The following ZNF48 variants were observed in gnomAD, a reference collection of about 807,000 sequenced individuals.
ZNF48 encodes zinc finger protein 48.
ZNF48 carries 20 observed loss-of-function variants against 40.0 expected under a neutral mutation model. That is an observed-to-expected ratio of 0.50 (90% CI 0.35 to 0.73). The LOEUF (loss-of-function observed/expected upper bound fraction) is 0.73. Among genes scored for constraint, ZNF48 ranks in the 30% least tolerant of loss-of-function variants. The pLI is 0.01. For synonymous variants in ZNF48, 298 were observed against 329.7 expected (o/e 0.90, Z 1.04); for missense variants, 726 against 851.9 (o/e 0.85, Z 1.84).
At chr16:30,392,676 G>C (rs1218488161), upstream of ZNF48, among the ~76,000 whole-genome samples, 2 of 152,192 alleles carry the variant, frequency 1.3e-5, no homozygotes, top group Non-Finnish European at 1.5e-5. Context: ...AGAAGCTTAA[G>C]TAACTTCCCT....
rs2049977391 is a variant in ZNF48, at chr16:30,395,732, CCA to C, written c.-15-43_-15-42del. The C allele has an allele frequency of 1.5e-6, 2 of 1,342,740 alleles. No homozygotes were observed. The highest frequency in any genetic ancestry group is 6.1e-5 in the East Asian group (2 of 32,574). 83.2% of individuals were successfully genotyped at this position (1,342,740 alleles called of 1,614,324 possible). A position where few individuals can be genotyped will look rare whatever the true frequency, so the allele number is the denominator to read the frequency against. ...GAGGGCAGCGGCAGGGCGCCGCGGG[CCA>C]CACATGGCTGCGTGACCGCGGGATG... On this transcript the variant is annotated intron_variant, in intron 1 of 2. Coordinates refer to ENST00000613509, the MANE Select transcript of ZNF48 (RefSeq NM_001214909.2). This position sits in a 1 kb window ranked among gnomAD's most constrained non-coding sequence, Gnocchi z 5.9.
At chr16:30,383,234 G>A (rs1238474018) in intron 1 of ZNF48, among the ~76,000 whole-genome samples, 1 of 152,116 alleles carries the variant, frequency 6.6e-6, no homozygotes, top group African/African-American at 2.4e-5. Flanking sequence ...TGTTGCCCAG[G>A]CTGGAGTGTA....
In ZNF48 at chr16:30,397,579, G is replaced by C. The variant is rs746440840; in HGVS notation, c.329G>C (p.Arg110Pro). 6.2e-7 allele frequency: 1 copy of C among 1,614,062 alleles called. No homozygotes were observed. The highest frequency in any genetic ancestry group is 8.5e-7 in the Non-Finnish European group (1 of 1,180,024). ...CGCTGGGGCCAGGCTAGTAGTGATC[G>C]GGCCGCTGTGTGTGGTGAGTGTGGC... ...EPRWGQASSDRAAVCGECGKS... is the reference protein window; with the variant it reads ...EPRWGQASSDPAAVCGECGKS... The change falls in exon 3 of 3, where the codon CGG (arginine) becomes CCG (proline). Residue 110 changes from arginine (R) to proline (P), a missense_variant. Arg to Pro is a moderately radical substitution (Grantham distance 103). Around this residue, in one of 5 missense-constraint regions of ZNF48, gnomAD observed 151 missense variants for 162.3 expected, o/e 0.93. Transcript: ENST00000613509. The surrounding 1 kb of genome is among the most constrained non-coding windows in gnomAD (Gnocchi z 4.1).
Position 30,397,713 on chromosome 16 carries a change from C to T in ZNF48, c.463C>T (p.Arg155Trp), listed in dbSNP as rs1450199020. Residue 155 changes from arginine to tryptophan, a missense_variant, in exon 3 of 3, where the codon CGG (arginine) becomes TGG (tryptophan). By Grantham distance (101) the Arg-to-Trp change is moderately radical. Coordinates refer to ENST00000613509, the MANE Select transcript of ZNF48 (RefSeq NM_001214909.2). The surrounding 1 kb of genome is among the most constrained non-coding windows in gnomAD (Gnocchi z 4.1). ...CAAGGGCTTTGGGGATAGCTCTGCCCGGATCAAACACCAGCGGACTCATAG... is the reference window on the plus strand; with the variant it reads ...CAAGGGCTTTGGGGATAGCTCTGCCTGGATCAAACACCAGCGGACTCATAG... The part of the protein sequence containing the change: ...CGKGFGDSSA[R>W]IKHQRTHSGE... 2.5e-6 allele frequency: 4 copies of T among 1,613,758 alleles called. No individual in the cohort carries two copies. The highest frequency in any genetic ancestry group is 1.1e-5 in the South Asian group (1 of 91,076).
chr16:30,390,470 T>C (rs138024827), upstream of ZNF48, among the ~76,000 whole-genome samples: 6,052 of 152,018 alleles, frequency 0.04, 425 homozygotes, highest in African/African-American at 0.14. Context: ...AGTGCAGTGG[T>C]GCGATCTGGG....
chr16:30,381,125 A>T lies in ZNF48; in HGVS notation c.-16+2715A>T. ...TCAAAGGTCAGAGGTCATCACTCACACCTTCTGCTTGAGGGCCTGGGTTTC... is the reference window on the plus strand; with the variant it reads ...TCAAAGGTCAGAGGTCATCACTCACTCCTTCTGCTTGAGGGCCTGGGTTTC... On this transcript the variant is annotated intron_variant, in intron 1 of 2. Transcript: ENST00000528032. This position sits in a 1 kb window ranked among gnomAD's most constrained non-coding sequence, Gnocchi z 4.3. 6.2e-7 allele frequency: 1 copy of T among 1,610,166 alleles called. No individual in the cohort carries two copies. The highest frequency in any genetic ancestry group is 8.5e-7 in the Non-Finnish European group (1 of 1,176,516).
intron 1 of ZNF48, among the ~76,000 whole-genome samples, chr16:30,390,024 T>A (rs1249931207): frequency 6.6e-6 from 1 of 151,764 alleles, no homozygotes; most frequent in East Asian, 1.9e-4. Flanking sequence ...GGTCACTATG[T>A]TGGCCAGGCT....
rs555199499 is a variant in ZNF48 at position 30,384,873 on chromosome 16, G to A, written c.-16+6463G>A. ...AGCCTGGGCGACAGGGCAAGACTCC[G>A]TCTCAAAAAAATAAATAAGTAGGCC... On this transcript the variant is annotated intron_variant, in intron 1 of 2. Transcript: ENST00000528032. Among the ~76,000 whole-genome samples, 26 of 148,746 alleles carry A rather than the reference G, an allele frequency of 1.7e-4. No individual in the cohort carries two copies. The East Asian group carries it at 3.6e-3, about 21-fold the overall frequency.
intron 1 of ZNF48, among the ~76,000 whole-genome samples, chr16:30,383,954 C>T (rs1263232953): frequency 2.0e-5 from 3 of 152,212 alleles, no homozygotes; most frequent in African/African-American, 7.2e-5. Flanking sequence ...TGGTGGCTCA[C>T]ACCTGTAATC....
chr16:30,386,905 G>T (rs137889102), intron 1 of ZNF48, among the ~76,000 whole-genome samples: 1,671 of 149,304 alleles, frequency 0.011, 29 homozygotes, highest in African/African-American at 0.04. Flanking sequence ...ATCCCAAAGT[G>T]CTGGGATTAC....
At chr16:30,389,144 A>T (rs1287589370) in intron 1 of ZNF48, among the ~76,000 whole-genome samples, 1 of 152,048 alleles carries the variant, frequency 6.6e-6, no homozygotes, top group African/African-American at 2.4e-5. Context: ...CTGTAATTCC[A>T]GCACTTTGGG....
At chr16:30,384,299 CG>C (rs970517972) in intron 1 of ZNF48, among the ~76,000 whole-genome samples, 1 of 152,044 alleles carries the variant, frequency 6.6e-6, no homozygotes, top group Non-Finnish European at 1.5e-5. Context: ...GAGGCTGAGT[CG>C]GGCAGATCAC....
chr16:30,397,496 A>T lies in ZNF48; in HGVS notation c.246A>T (p.Arg82Ser). 2 of 1,614,148 alleles carry T rather than the reference A, an allele frequency of 1.2e-6. No homozygotes were observed. Among genetic ancestry groups the T allele is most frequent in the Non-Finnish European group, 1.7e-6 (2 of 1,180,016 alleles). ...IQNWDDLWVQREGLGKPQPRD... is the reference protein window; with the variant it reads ...IQNWDDLWVQSEGLGKPQPRD... ...ACTGGGATGACTTATGGGTCCAGAG[A>T]GAGGGTCTAGGAAAGCCTCAGCCTC... Residue 82 changes from arginine (R) to serine (S), a missense_variant, in exon 3 of 3, where the codon AGA becomes AGT. Arg to Ser is a moderately radical substitution (Grantham distance 110, BLOSUM62 -1). Coordinates refer to ENST00000613509, the MANE Select transcript of ZNF48 (RefSeq NM_001214909.2). This position sits in a 1 kb window ranked among gnomAD's most constrained non-coding sequence, Gnocchi z 4.1.
intron 1 of ZNF48, among the ~76,000 whole-genome samples, chr16:30,390,010 A>G (rs964204521): frequency 6.6e-6 from 1 of 151,308 alleles, no homozygotes; most frequent in Admixed American, 6.6e-5. Context: ...CTTTTTAGAG[A>G]TGGGGTCACT....
At position 30,381,601 on chromosome 16, in the gene ZNF48, G is replaced by T; in HGVS notation, c.-16+3191G>T. 4 of 1,454,254 alleles carry T rather than the reference G, an allele frequency of 2.8e-6. No individual in the cohort carries two copies. The highest frequency in any genetic ancestry group is 3.8e-6 in the Non-Finnish European group (4 of 1,059,932). 90.1% of individuals were successfully genotyped at this position (1,454,254 alleles called of 1,614,324 possible). A position where few individuals can be genotyped will look rare whatever the true frequency, so the allele number is the denominator to read the frequency against. On this transcript the variant is annotated intron_variant, in intron 1 of 2. Coordinates refer to the ZNF48 transcript ENST00000528032. The surrounding 1 kb of genome is among the most constrained non-coding windows in gnomAD (Gnocchi z 4.3). ...TCCAAAGACATTAAGGGGAACTGGT[G>T]GGGGCCTAGGTGAGTCATCAAGAAG...
rs748094719 is a variant in ZNF48 at position 30,395,460 on chromosome 16, G to A, written c.-134G>A. On this transcript the variant is annotated 5_prime_UTR_variant, in exon 1 of 3. Transcript: ENST00000613509. The surrounding 1 kb of genome is among the most constrained non-coding windows in gnomAD (Gnocchi z 5.9). ...CCGCCCCCGGGACGCCTGGGTCCGA[G>A]CCCGCTCCCGGCTTGGCGCGGAGCC... is the stretch of plus-strand genomic sequence containing the variant. 5.9e-6 allele frequency: 2 copies of A among 339,810 alleles called. No individual in the cohort carries two copies. The highest frequency in any genetic ancestry group is 4.2e-5 in the South Asian group (2 of 47,760). 21.0% of individuals were successfully genotyped at this position (339,810 alleles called of 1,614,324 possible).
intron 1 of ZNF48, chr16:30,380,761 CTCTA>C (rs2049833643): frequency 3.6e-6 from 1 of 279,486 alleles, no homozygotes; most frequent in African/African-American, 2.3e-5. Context: ...CAGAGTGAGA[CTCTA>C]TCTAAAAAAA....
intron 2 of ZNF48, among the ~76,000 whole-genome samples, chr16:30,396,266 C>T (rs766163974): frequency 6.6e-6 from 1 of 152,166 alleles, no homozygotes; most frequent in Non-Finnish European, 1.5e-5. Flanking sequence ...AATTAAAAGC[C>T]TTAGCTAGTG....
chr16:30,379,924 T>C (rs778559457), intron 1 of ZNF48: 1 of 1,466,754 alleles, frequency 6.8e-7, no homozygotes, highest in Non-Finnish European at 9.5e-7. Flanking sequence ...CTTCTTTGTT[T>C]CCCACACCTT....
Sources: gnomAD v4.1 joint callset for allele counts (sites outside exome capture counted in the v4.1 genomes callset) on GRCh38, gnomAD v4.1.1 for gene constraint, gnomAD v4.1.1 regional missense constraint, Gnocchi (gnomAD v3.1) non-coding constraint, MANE v1.5 for transcripts, NCBI Gene and HGNC (gene_info 2026-07-23, HGNC 2026-07-21) for gene names.